Variants in WWOX observed in about 807,000 individuals in gnomAD.
WWOX encodes WW domain-containing oxidoreductase.
WWOX carries 69 observed loss-of-function variants against 46.2 expected under a neutral mutation model. The observed-to-expected ratio is 1.49, with a 90% confidence interval of 1.23 to 1.82. The LOEUF (loss-of-function observed/expected upper bound fraction) is 1.82. WWOX is among the 40% of genes most tolerant of loss of function. The probability of loss-of-function intolerance (pLI) is 0.00; values close to 1 mark genes in which losing one functional copy is unlikely to be tolerated. For synonymous variants in WWOX, 359 were observed against 202.6 expected (o/e 1.77, Z -6.56); for missense variants, 919 against 542.6 (o/e 1.69, Z -6.89).
chr16:78,630,467 T>C (rs935925556), intron 8 of WWOX, among the ~76,000 whole-genome samples: 1 of 152,208 alleles, frequency 6.6e-6, no homozygotes, highest in African/African-American at 2.4e-5. Flanking sequence ...GGTGCCTACG[T>C]GGCCAACTTC....
intron 8 of WWOX, among the ~76,000 whole-genome samples, chr16:78,703,724 G>T (rs1333879368): frequency 3.3e-5 from 5 of 152,052 alleles, no homozygotes; most frequent in Admixed American, 1.3e-4. Flanking sequence ...AATTTCTTGG[G>T]TTGGGAAGAA....
intron 5 of WWOX, among the ~76,000 whole-genome samples, chr16:78,385,673 G>A (rs2082046348): frequency 6.6e-6 from 1 of 152,178 alleles, no homozygotes; most frequent in Admixed American, 6.5e-5. Flanking sequence ...TTAGGGTAGA[G>A]GATGTTCTCA....
intron 4 of WWOX, among the ~76,000 whole-genome samples, chr16:78,147,550 G>C (rs2034240512): frequency 1.3e-5 from 2 of 152,188 alleles, no homozygotes; most frequent in South Asian, 4.1e-4. Context: ...TGTGTTTTGA[G>C]CACTTCCACG....
chr16:78,271,358 G>A (rs1000199278), intron 5 of WWOX, among the ~76,000 whole-genome samples: 14 of 152,148 alleles, frequency 9.2e-5, no homozygotes, highest in Non-Finnish European at 1.0e-4. Flanking sequence ...CCGTCACCTC[G>A]TGCTTTGAAA....
Position 78,115,105 on chromosome 16 carries a change from G to T in WWOX, c.360G>T (p.Arg120=), listed in dbSNP as rs562538980. The T allele has an allele frequency of 5.6e-6, 9 of 1,614,124 alleles. No homozygotes were observed. Among genetic ancestry groups the T allele is most frequent in the South Asian group, 4.4e-5 (4 of 91,074 alleles). The change falls in exon 4 of 9, where the codon CGG becomes CGT. Residue 120 remains arginine (R), a synonymous_variant. Transcript: ENST00000566780. Reference sequence around the variant, plus strand: ...CTGCCATGGAAATTCTCCAGGGCCGGGATTTCACTGGCAAAGTGGTTGTGG... The same window carrying T: ...CTGCCATGGAAATTCTCCAGGGCCGTGATTTCACTGGCAAAGTGGTTGTGG... ...STTAMEILQG[R]DFTGKVVVVT...
At chr16:78,873,815 C>G (rs753233125) in intron 8 of WWOX, among the ~76,000 whole-genome samples, 3 of 151,856 alleles carry the variant, frequency 2.0e-5, no homozygotes, top group Admixed American at 1.3e-4. Context: ...TAAAATAAAA[C>G]GAGATATTTG....
intron 8 of WWOX, among the ~76,000 whole-genome samples, chr16:78,709,395 G>A (rs2048391325): frequency 6.6e-6 from 1 of 152,214 alleles, no homozygotes; most frequent in African/African-American, 2.4e-5. Context: ...CCGGTTCACA[G>A]GGCCTGGGTA....
chr16:78,313,140 T>G (rs1387714754), intron 5 of WWOX, among the ~76,000 whole-genome samples: 1 of 152,158 alleles, frequency 6.6e-6, no homozygotes, highest in Non-Finnish European at 1.5e-5. Flanking sequence ...AAAGTCAATG[T>G]AATGGGCAGA....
chr16:78,579,896 C>T (rs1013177553), intron 8 of WWOX, among the ~76,000 whole-genome samples: 2 of 152,118 alleles, frequency 1.3e-5, no homozygotes, highest in Non-Finnish European at 2.9e-5. Flanking sequence ...CAAAGTGTCT[C>T]TGCATTTCAC....
intron 8 of WWOX, among the ~76,000 whole-genome samples, chr16:79,196,105 T>G (rs1469545125): frequency 6.6e-6 from 1 of 152,216 alleles, no homozygotes; most frequent in Non-Finnish European, 1.5e-5. Flanking sequence ...AGCTTCGAGG[T>G]TTGGCACCTC....
intron 8 of WWOX, among the ~76,000 whole-genome samples, chr16:78,628,727 T>G (rs1406369364): frequency 1.3e-5 from 2 of 152,144 alleles, no homozygotes; most frequent in Non-Finnish European, 2.9e-5. Context: ...TGTTTTAAAT[T>G]CAGGGTTAAT....
At chr16:79,044,348 T>G (rs1424658622) in intron 8 of WWOX, among the ~76,000 whole-genome samples, 1 of 152,092 alleles carries the variant, frequency 6.6e-6, no homozygotes, top group African/African-American at 2.4e-5. Flanking sequence ...GCGTTGGAGG[T>G]GGGGCATGGT....
At chr16:78,278,563 A>G in intron 5 of WWOX, 1 of 1,581,284 alleles carries the variant, frequency 6.3e-7, no homozygotes. Context: ...TGTTCTCATA[A>G]CTTAATTTTA....
chr16:78,442,868 A>G (rs2083475066), intron 8 of WWOX, among the ~76,000 whole-genome samples: 1 of 152,072 alleles, frequency 6.6e-6, no homozygotes, highest in African/African-American at 2.4e-5. Context: ...CATGCCTGTA[A>G]TCCCAGCACT....
intron 5 of WWOX, among the ~76,000 whole-genome samples, chr16:78,188,850 A>G (rs932886418): frequency 6.6e-6 from 1 of 152,200 alleles, no homozygotes; most frequent in African/African-American, 2.4e-5. Context: ...TTGACAAGAT[A>G]TGACACATGC....
intron 5 of WWOX, among the ~76,000 whole-genome samples, chr16:78,192,056 T>A (rs769167975): frequency 5.9e-5 from 9 of 152,174 alleles, no homozygotes; most frequent in Non-Finnish European, 1.3e-4. Context: ...TTTCTTTGTT[T>A]ATAAAAGAGG....
intron 8 of WWOX, among the ~76,000 whole-genome samples, chr16:79,123,690 C>T (rs1251432599): frequency 2.0e-5 from 3 of 152,064 alleles, no homozygotes; most frequent in South Asian, 2.1e-4. Flanking sequence ...CAATCTGGAC[C>T]CTTTACCTGT....
At chr16:78,906,386 A>T (rs1002994860) in intron 8 of WWOX, among the ~76,000 whole-genome samples, 1 of 152,152 alleles carries the variant, frequency 6.6e-6, no homozygotes, top group Non-Finnish European at 1.5e-5. Context: ...TAGCCTGATA[A>T]GGATTTCCTC....
At chr16:78,750,196 CA>C (rs755623927) in intron 8 of WWOX, among the ~76,000 whole-genome samples, 5 of 152,190 alleles carry the variant, frequency 3.3e-5, no homozygotes, top group Non-Finnish European at 5.9e-5. Context: ...CTGCCTTATT[CA>C]AAAACAGGAA....
Sources: allele counts gnomAD v4.1 joint callset (sites outside exome capture counted in the v4.1 genomes callset), GRCh38; gene constraint gnomAD v4.1.1; transcripts MANE v1.5; gene names NCBI Gene and HGNC (gene_info 2026-07-23, HGNC 2026-07-21).